The following PRKG1 variants were observed in gnomAD, a reference collection of about 807,000 sequenced individuals.
The protein encoded by PRKG1 is cGMP-dependent protein kinase 1.
PRKG1 carries 35 observed loss-of-function variants against 88.1 expected under a neutral mutation model. The observed-to-expected ratio is 0.40, with a 90% CI of 0.30 to 0.53. The LOEUF (loss-of-function observed/expected upper bound fraction) is 0.53. Ranked by LOEUF, PRKG1 falls within the 20% of genes least tolerant of loss-of-function variation. The pLI is 0.59. For missense variants in PRKG1, 540 were observed against 839.8 expected (o/e 0.64, Z 4.41); for synonymous variants, 303 against 292.5 (o/e 1.04, Z -0.37).
chr10:51,760,731 C>T (rs952894511), intron 3 of PRKG1, among the ~76,000 whole-genome samples: 2 of 152,048 alleles, frequency 1.3e-5, no homozygotes, highest in Admixed American at 6.5e-5. Flanking sequence ...CTCGGCTTCC[C>T]GTGGTGCTGG....
At chr10:52,180,881 C>G (rs770452243) in intron 9 of PRKG1, among the ~76,000 whole-genome samples, 4 of 152,104 alleles carry the variant, frequency 2.6e-5, no homozygotes, top group Non-Finnish European at 5.9e-5. Flanking sequence ...GGCATGCCAG[C>G]CAGGTGTGGC....
chr10:52,029,977 CAAA>C (rs1845438346), intron 5 of PRKG1, among the ~76,000 whole-genome samples: 1 of 152,092 alleles, frequency 6.6e-6, no homozygotes, highest in African/African-American at 2.4e-5. Flanking sequence ...TGCAATCATT[CAAA>C]AAATATTGGA....
chr10:51,313,089 G>T (rs985224700), intron 2 of PRKG1, among the ~76,000 whole-genome samples: 9 of 152,000 alleles, frequency 5.9e-5, no homozygotes, highest in African/African-American at 1.9e-4. Flanking sequence ...GTGTGTGTGT[G>T]TGTGTAGGGT....
At chr10:51,665,366 G>A (rs1160384523) in intron 3 of PRKG1, among the ~76,000 whole-genome samples, 3 of 152,030 alleles carry the variant, frequency 2.0e-5, no homozygotes, top group African/African-American at 7.2e-5. Flanking sequence ...AATTAATACT[G>A]AAAATTTCAA....
At chr10:52,218,635 A>T (rs962709832) in intron 9 of PRKG1, among the ~76,000 whole-genome samples, 5 of 152,328 alleles carry the variant, frequency 3.3e-5, no homozygotes, top group Admixed American at 2.6e-4. Flanking sequence ...TTTAAAAATT[A>T]TATAAATTCT....
chr10:52,242,924 A>G (rs1048935735), intron 9 of PRKG1, among the ~76,000 whole-genome samples: 3 of 151,252 alleles, frequency 2.0e-5, no homozygotes, highest in Admixed American at 1.3e-4. Flanking sequence ...GGAGAAAGAG[A>G]AGAAGAAGAA....
chr10:51,038,255 T>A (rs1843378031), intron 1 of PRKG1, among the ~76,000 whole-genome samples: 1 of 152,256 alleles, frequency 6.6e-6, no homozygotes, highest in Admixed American at 6.5e-5. Flanking sequence ...AAGCATGCAA[T>A]GCATAATAAT....
intron 1 of PRKG1, among the ~76,000 whole-genome samples, chr10:51,032,247 A>G (rs544412451): frequency 6.6e-4 from 101 of 152,032 alleles, no homozygotes; most frequent in Non-Finnish European, 1.3e-3. Context: ...GCTCATTGGC[A>G]CCACCCCTCT....
chr10:51,221,980 T>C (rs1838547370), intron 2 of PRKG1, among the ~76,000 whole-genome samples: 1 of 149,164 alleles, frequency 6.7e-6, no homozygotes, highest in African/African-American at 2.5e-5. Flanking sequence ...GTTCAAGCAA[T>C]TCTCCTGCCT....
At chr10:51,550,493 T>C (rs888979781) in intron 3 of PRKG1, among the ~76,000 whole-genome samples, 4 of 152,060 alleles carry the variant, frequency 2.6e-5, no homozygotes, top group African/African-American at 9.7e-5. Context: ...TGGTCATTAT[T>C]TATCTTCCTT....
At chr10:51,174,610 A>G (rs1013929000) in intron 2 of PRKG1, among the ~76,000 whole-genome samples, 2 of 152,038 alleles carry the variant, frequency 1.3e-5, no homozygotes, top group Non-Finnish European at 2.9e-5. Flanking sequence ...CAAACTACCA[A>G]TATGATGCCT....
chr10:51,610,077 T>C (rs1838867450), intron 3 of PRKG1, among the ~76,000 whole-genome samples: 1 of 152,222 alleles, frequency 6.6e-6, no homozygotes, highest in African/African-American at 2.4e-5. Flanking sequence ...GAATGTATAA[T>C]GATTAAGTCA....
At chr10:51,374,454 T>G (rs1477820548) in intron 2 of PRKG1, among the ~76,000 whole-genome samples, 1 of 152,054 alleles carries the variant, frequency 6.6e-6, no homozygotes, top group Non-Finnish European at 1.5e-5. Flanking sequence ...TTAACGCAGG[T>G]GTTTCTAATG....
chr10:51,918,519 C>T (rs1842394598), intron 5 of PRKG1, among the ~76,000 whole-genome samples: 1 of 152,090 alleles, frequency 6.6e-6, no homozygotes, highest in South Asian at 2.1e-4. Context: ...AATGTATGTG[C>T]TCTGCAAATA....
chr10:51,880,755 G>T (rs1841416491), intron 4 of PRKG1, among the ~76,000 whole-genome samples: 1 of 152,044 alleles, frequency 6.6e-6, no homozygotes, highest in African/African-American at 2.4e-5. Flanking sequence ...AAATTCCAAG[G>T]ACAAGAACAC....
At chr10:52,087,080 G>T (rs912694672) in intron 7 of PRKG1, among the ~76,000 whole-genome samples, 2 of 152,090 alleles carry the variant, frequency 1.3e-5, no homozygotes, top group African/African-American at 4.8e-5. Flanking sequence ...TACAATTCAA[G>T]ATGATATTTG....
At chr10:51,537,682 T>G (rs1842191551) in intron 3 of PRKG1, among the ~76,000 whole-genome samples, 1 of 143,700 alleles carries the variant, frequency 7.0e-6, no homozygotes, top group South Asian at 2.2e-4. Flanking sequence ...GAGCCAAGAT[T>G]GCACCGCTGT....
intron 5 of PRKG1, among the ~76,000 whole-genome samples, chr10:51,991,556 G>A (rs750659749): frequency 1.6e-4 from 24 of 152,068 alleles, no homozygotes; most frequent in Admixed American, 4.6e-4. Flanking sequence ...ACAGGCCCTG[G>A]TGTGTGATGT....
intron 6 of PRKG1, among the ~76,000 whole-genome samples, chr10:52,056,274 C>T (rs2133257889): frequency 6.6e-6 from 1 of 152,184 alleles, no homozygotes; most frequent in East Asian, 1.9e-4. Flanking sequence ...TTGAAAATCG[C>T]CATGGATGTA....
Sources: allele counts gnomAD v4.1 joint callset (sites outside exome capture counted in the v4.1 genomes callset), GRCh38; gene constraint gnomAD v4.1.1; transcripts MANE v1.5; gene names NCBI Gene and HGNC (gene_info 2026-07-23, HGNC 2026-07-21).